The following YEATS2 variants were observed in gnomAD, a reference collection of about 807,000 sequenced individuals.
The protein encoded by YEATS2 is YEATS domain containing 2, also known as YEATS domain-containing protein 2.
In YEATS2, 77 loss-of-function variants were observed where a neutral mutation model predicts 163.2. The ratio of observed to expected loss-of-function variants is 0.47; its 90% CI spans 0.39 to 0.57. YEATS2 has a LOEUF of 0.57. Ranked by LOEUF, YEATS2 falls within the 20% of genes least tolerant of loss-of-function variation. The probability of loss-of-function intolerance (pLI) is 0.00; values close to 1 mark genes in which losing one functional copy is unlikely to be tolerated. For synonymous variants in YEATS2, 631 were observed against 645.1 expected (o/e 0.98, Z 0.33); for missense variants, 1,549 against 1,729.8 (o/e 0.90, Z 1.85).
chr3:183,808,283 T>C, intron 29 of YEATS2, 179 bp downstream of exon 29: 1 of 585,724 alleles, frequency 1.7e-6, no homozygotes, highest in Non-Finnish European at 3.0e-6. Context: ...TTAAATGGAC[T>C]AAGTTATGTT....
chr3:183,789,523 TAA>T (rs1724383927), intron 20 of YEATS2, among the ~76,000 whole-genome samples: 4 of 136,118 alleles, frequency 2.9e-5, no homozygotes, highest in Admixed American at 2.6e-4. Flanking sequence ...TCATTCGAGT[TAA>T]TTTTTTTTTT....
chr3:183,719,561 A>G (rs1047787419), intron 4 of YEATS2, among the ~76,000 whole-genome samples: 2 of 152,164 alleles, frequency 1.3e-5, no homozygotes, highest in Non-Finnish European at 2.9e-5. Context: ...CCCACTTTGG[A>G]GTAATTTATA....
chr3:183,724,586 A>G, intron 6 of YEATS2, 55 bp downstream of exon 6: 1 of 1,332,024 alleles, frequency 7.5e-7, no homozygotes, highest in Non-Finnish European at 1.1e-6. Flanking sequence ...ATATTTTGGC[A>G]TTAATACTCT....
At chr3:183,807,842 G>GA (rs1360257933) in intron 28 of YEATS2, 188 bp from the exon 29 acceptor site, 2 of 550,082 alleles carry the variant, frequency 3.6e-6, no homozygotes, top group Admixed American at 6.9e-5. Context: ...CAGAAATGTG[G>GA]AAAAACAAGA....
chr3:183,801,301 G>A (rs1444472104), intron 24 of YEATS2, 154 bp from the exon 25 acceptor site: 4 of 506,896 alleles, frequency 7.9e-6, no homozygotes, highest in Non-Finnish European at 6.8e-6. Context: ...TACAAAGAAG[G>A]TAATCTGTGG....
intron 21 of YEATS2, among the ~76,000 whole-genome samples, chr3:183,796,122 A>G (rs1201829296): frequency 1.4e-5 from 2 of 146,738 alleles, no homozygotes; most frequent in Non-Finnish European, 3.0e-5. Context: ...AGCTTGAATT[A>G]CAGGCACCTG....
chr3:183,798,022 T>A lies in YEATS2; in HGVS notation c.3197T>A (p.Val1066Glu). ...CTCAGCGTAAACACATCTGGAGGGGTGCAGACGATCCTGATGCCTGTGAAT... is the reference window on the plus strand; with the variant it reads ...CTCAGCGTAAACACATCTGGAGGGGAGCAGACGATCCTGATGCCTGTGAAT... ...KPLSVNTSGG[V>E]QTILMPVNKV... Residue 1066 changes from valine to glutamate, a missense_variant, in exon 22 of 31, where the codon GTG becomes GAG. Coordinates refer to ENST00000305135, the MANE Select transcript of YEATS2 (RefSeq NM_018023.5). 5 of 1,614,024 alleles carry A rather than the reference T, an allele frequency of 3.1e-6. No homozygotes were observed. Among genetic ancestry groups the A allele is most frequent in the Non-Finnish European group, 4.2e-6 (5 of 1,179,946 alleles).
chr3:183,709,634 C>T (rs892904498), intron 1 of YEATS2, among the ~76,000 whole-genome samples: 2 of 151,430 alleles, frequency 1.3e-5, no homozygotes, highest in Non-Finnish European at 1.5e-5. Flanking sequence ...TGCATCTTGC[C>T]CACATTTACT....
At chr3:183,761,467 A>G (rs1256549578) in intron 13 of YEATS2, 40 bp from the exon 14 acceptor site, 3 of 1,539,144 alleles carry the variant, frequency 1.9e-6, no homozygotes, top group African/African-American at 2.7e-5. Context: ...GAAATCACCC[A>G]TTTCTCCTGA....
chr3:183,702,171 G>A (rs373167255), intron 1 of YEATS2, among the ~76,000 whole-genome samples: 16 of 152,266 alleles, frequency 1.1e-4, no homozygotes, highest in African/African-American at 3.1e-4. Context: ...CAGGCCAGCC[G>A]CGGTGGCTCA....
At chr3:183,791,113 A>T in intron 21 of YEATS2, 133 bp downstream of exon 21, 1 of 1,222,244 alleles carries the variant, frequency 8.2e-7, no homozygotes, top group Non-Finnish European at 1.1e-6. Context: ...GACTCACTGC[A>T]ACCTCTGCCT....
chr3:183,805,804 G>A (rs1284924267), intron 27 of YEATS2, among the ~76,000 whole-genome samples: 1 of 151,892 alleles, frequency 6.6e-6, no homozygotes, highest in Non-Finnish European at 1.5e-5. Context: ...AAAAGGGGGG[G>A]CAAGTCCCAG....
chr3:183,763,323 A>G (rs776911811), intron 15 of YEATS2, among the ~76,000 whole-genome samples: 2 of 152,250 alleles, frequency 1.3e-5, no homozygotes, highest in African/African-American at 4.8e-5. Context: ...TAATAGAACA[A>G]TAAGTATTTG....
chr3:183,718,398 C>T (rs763088919), intron 3 of YEATS2, 102 bp from the exon 4 acceptor site: 2 of 779,378 alleles, frequency 2.6e-6, no homozygotes, highest in Non-Finnish European at 3.8e-6. Flanking sequence ...AGAAGTTGAG[C>T]TTTTTTTTTT....
intron 21 of YEATS2, among the ~76,000 whole-genome samples, chr3:183,794,557 AT>A (rs1301736607): frequency 6.6e-6 from 1 of 152,212 alleles, no homozygotes; most frequent in Non-Finnish European, 1.5e-5. Context: ...TTCCTAAAAT[AT>A]GGGATGGGGT....
intron 25 of YEATS2, 108 bp from the exon 26 acceptor site, chr3:183,803,148 A>G (rs537937955): frequency 1.0e-4 from 115 of 1,144,608 alleles, no homozygotes; most frequent in Non-Finnish European, 1.5e-4. Context: ...TAAGGAACAT[A>G]CATGCGATAA....
intron 8 of YEATS2, among the ~76,000 whole-genome samples, chr3:183,743,540 T>C (rs1178886494): frequency 6.6e-6 from 1 of 151,862 alleles, no homozygotes; most frequent in Non-Finnish European, 1.5e-5. Context: ...GAGTTTTTTT[T>C]CCACTGTGTT....
chr3:183,803,205 G>T, intron 25 of YEATS2, 51 bp from the exon 26 acceptor site: 1 of 1,585,630 alleles, frequency 6.3e-7, no homozygotes, highest in Non-Finnish European at 8.6e-7. Context: ...ATGACGTGTG[G>T]TTGGAATCGT....
chr3:183,727,585 C>G (rs991429235), intron 6 of YEATS2, among the ~76,000 whole-genome samples: 2 of 152,182 alleles, frequency 1.3e-5, no homozygotes, highest in African/African-American at 4.8e-5. Flanking sequence ...TTGGCCCCCC[C>G]ATATCACTAA....
Sources: allele counts gnomAD v4.1 joint callset (sites outside exome capture counted in the v4.1 genomes callset), GRCh38; gene constraint gnomAD v4.1.1; transcripts MANE v1.5; gene names NCBI Gene and HGNC (gene_info 2026-07-23, HGNC 2026-07-21).